Variants in TG observed in about 807,000 individuals in gnomAD.
The protein encoded by TG is thyroid hormones.
Under a neutral mutation model 324.7 loss-of-function variants are expected in TG, and 270 were observed. The observed-to-expected ratio is 0.83, with a 90% CI of 0.75 to 0.92. The LOEUF (loss-of-function observed/expected upper bound fraction) is 0.92. TG is among the 40% of genes least tolerant of loss of function. The pLI is 0.00. For missense variants in TG, 3,591 were observed against 3,456.4 expected (o/e 1.04, Z -0.98); for synonymous variants, 1,401 against 1,327.0 (o/e 1.06, Z -1.21).
At chr8:133,073,952 C>T (rs1264610396) in intron 41 of TG, among the ~76,000 whole-genome samples, 1 of 152,088 alleles carries the variant, frequency 6.6e-6, no homozygotes, top group Admixed American at 6.5e-5. Context: ...ATGCATTGCT[C>T]CTCCCCAGCC....
chr8:132,945,242 C>A (rs1825075178), intron 26 of TG, among the ~76,000 whole-genome samples: 1 of 152,014 alleles, frequency 6.6e-6, no homozygotes, highest in Non-Finnish European at 1.5e-5. Context: ...GGTATGGTAT[C>A]CTGGGCTAGG....
intron 10 of TG, among the ~76,000 whole-genome samples, chr8:132,889,739 G>T (rs965184695): frequency 6.6e-6 from 1 of 152,106 alleles, no homozygotes; most frequent in Non-Finnish European, 1.5e-5. Flanking sequence ...TGCAATTTTA[G>T]GAGCATGAGT....
At chr8:133,025,111 G>A (rs1835959025) in intron 40 of TG, among the ~76,000 whole-genome samples, 1 of 152,202 alleles carries the variant, frequency 6.6e-6, no homozygotes, top group Non-Finnish European at 1.5e-5. Flanking sequence ...CTCTGAGAAG[G>A]GAGCAAAGAC....
intron 47 of TG, among the ~76,000 whole-genome samples, chr8:133,134,346 CAG>C (rs1446019610): frequency 1.3e-5 from 2 of 152,132 alleles, no homozygotes; most frequent in African/African-American, 4.8e-5. Flanking sequence ...TTTAGAATGA[CAG>C]GAGTTTTTCA....
chr8:133,013,451 A>G, intron 36 of TG, 149 bp from the exon 37 acceptor site: 4 of 943,812 alleles, frequency 4.2e-6, no homozygotes, highest in Non-Finnish European at 6.7e-6. Flanking sequence ...GGATGGATAG[A>G]CGGATGGATT....
chr8:132,972,000 C>T, intron 33 of TG, 127 bp downstream of exon 33: 1 of 757,070 alleles, frequency 1.3e-6, no homozygotes, highest in East Asian at 2.7e-5. Flanking sequence ...GAAATGGGGG[C>T]TTGGAGAGGG....
chr8:133,110,479 A>G (rs1037751947), intron 43 of TG, among the ~76,000 whole-genome samples: 6 of 152,260 alleles, frequency 3.9e-5, no homozygotes, highest in African/African-American at 1.4e-4. Flanking sequence ...TAGAAATAAA[A>G]GCAAGAGAGC....
At position 132,923,372 on chromosome 8, in the gene TG, G is replaced by A. The variant is rs115981067; in HGVS notation, c.4563G>A (p.Leu1521=). 1.8e-4 allele frequency: 286 copies of A among 1,614,136 alleles called. 1 individual carries two copies. The East Asian group carries it at 5.4e-3, about 30-fold the overall frequency. Residue 1521 remains leucine (L), a synonymous_variant, in exon 22 of 48, where the codon CTG becomes CTA. Transcript: ENST00000220616. ...VTDCQRNEAG[L]QCDQNGQYRA... is the part of the protein sequence containing the mutation. ...ACTGTCAGAGGAACGAAGCAGGCCTGCAATGTGACCAGAATGGCCAGTATC... is the reference window on the plus strand; with the variant it reads ...ACTGTCAGAGGAACGAAGCAGGCCTACAATGTGACCAGAATGGCCAGTATC...
intron 46 of TG, among the ~76,000 whole-genome samples, chr8:133,133,092 C>T (rs371349226): frequency 5.9e-5 from 9 of 152,130 alleles, no homozygotes; most frequent in South Asian, 2.1e-4. Context: ...CCCTCCTGCC[C>T]GGGCCTTGGA....
In TG at chr8:133,068,879, T is replaced by C. The variant is rs147081526; in HGVS notation, c.7240-26165T>C. ...GGGCACCACCCAGTCAGCCTGTGGC[T>C]CTGTTGGACCAGAACAAATTTGCTG... On this transcript the variant is annotated intron_variant, in intron 41 of 47. Coordinates refer to ENST00000220616, the MANE Select transcript of TG (RefSeq NM_003235.5). Among the ~76,000 whole-genome samples, 604 of 152,378 alleles carry C rather than the reference T, an allele frequency of 4.0e-3. 4 individuals are homozygous for C. The highest frequency in any genetic ancestry group is 0.014 in the African/African-American group (576 of 41,588).
intron 19 of TG, 128 bp from the exon 20 acceptor site, chr8:132,912,919 T>G: frequency 1.1e-5 from 10 of 913,218 alleles, no homozygotes; most frequent in Non-Finnish European, 1.7e-5. Flanking sequence ...CTCTGTAAAA[T>G]GAGACACCAC....
At chr8:132,880,521 C>T (rs769868899) in intron 5 of TG, among the ~76,000 whole-genome samples, 5 of 152,142 alleles carry the variant, frequency 3.3e-5, no homozygotes, top group East Asian at 1.9e-4. Context: ...TTATGCAACA[C>T]GCTTACTGTA....
intron 40 of TG, among the ~76,000 whole-genome samples, chr8:133,029,118 T>C (rs1346696880): frequency 1.3e-5 from 2 of 152,126 alleles, no homozygotes; most frequent in African/African-American, 4.8e-5. Context: ...GTGGAGTAGT[T>C]TGGCAAGGAT....
chr8:132,914,071 C>T (rs1288223463), intron 20 of TG, among the ~76,000 whole-genome samples: 1 of 152,150 alleles, frequency 6.6e-6, no homozygotes, highest in Non-Finnish European at 1.5e-5. Flanking sequence ...CTCTCTTTTA[C>T]CTCCAAGGAC....
In TG at chr8:133,029,852, G is replaced by T; in HGVS notation, c.7068G>T (p.Leu2356=). ...GAGAGGTGAGTGGCAACTGGGGGCT[G>T]CTGGACCAGGTGGCGGCTCTGACCT... The part of the protein sequence containing the change: ...GSGEVSGNWG[L]LDQVAALTWV... The change falls in exon 41 of 48, where the codon CTG becomes CTT. Residue 2356 remains leucine (L), a synonymous_variant. Coordinates refer to ENST00000220616, the MANE Select transcript of TG (RefSeq NM_003235.5). The T allele has an allele frequency of 1.9e-6, 3 of 1,614,208 alleles. No individual in the cohort carries two copies. The highest frequency in any genetic ancestry group is 2.5e-6 in the Non-Finnish European group (3 of 1,180,002).
chr8:132,904,270 A>G (rs989066038), intron 16 of TG, among the ~76,000 whole-genome samples: 1 of 152,218 alleles, frequency 6.6e-6, no homozygotes, highest in Admixed American at 6.5e-5. Flanking sequence ...CTCTTGTAAG[A>G]TGGCAGGTGT....
At chr8:132,898,709 A>C (rs1817490027) in intron 13 of TG, 89 bp from the exon 14 acceptor site, 1 of 1,103,118 alleles carries the variant, frequency 9.1e-7, no homozygotes, top group Non-Finnish European at 1.4e-6. Flanking sequence ...ACCCAGGCTC[A>C]TGACCCTTAA....
chr8:133,024,139 C>T (rs1004250602), intron 40 of TG, among the ~76,000 whole-genome samples: 8 of 152,342 alleles, frequency 5.3e-5, no homozygotes, highest in Non-Finnish European at 1.2e-4. Context: ...GGAATGTTAT[C>T]GCCACAGTCA....
At chr8:132,989,740 A>G (rs1442777634) in intron 35 of TG, among the ~76,000 whole-genome samples, 2 of 152,146 alleles carry the variant, frequency 1.3e-5, no homozygotes, top group East Asian at 1.9e-4. Flanking sequence ...TTTTCTGCAA[A>G]TGTTTTTCAT....
Sources: gnomAD v4.1 joint callset for allele counts (sites outside exome capture counted in the v4.1 genomes callset) on GRCh38, gnomAD v4.1.1 for gene constraint, MANE v1.5 for transcripts, NCBI Gene and HGNC (gene_info 2026-07-23, HGNC 2026-07-21) for gene names.